FGGY: variants seen among roughly 807,000 people sequenced by gnomAD.
FGGY encodes the protein FGGY carbohydrate kinase domain-containing protein.
A neutral mutation model predicts 71.3 loss-of-function variants in FGGY; 72 were observed. That is an observed-to-expected ratio of 1.01 (90% CI 0.84 to 1.23). FGGY has a LOEUF of 1.23. Ranked by LOEUF, FGGY falls within the 50% of genes most tolerant of loss-of-function variation. FGGY has a pLI of 0.00. For missense variants in FGGY, 668 were observed against 682.3 expected, an observed-to-expected ratio of 0.98 and a Z score of 0.23; for synonymous variants, 251 against 250.3, an observed-to-expected ratio of 1.00 and a Z score of -0.02.
intron 1 of FGGY, among the ~76,000 whole-genome samples, chr1:59,306,535 G>A (rs921342067): frequency 1.3e-4 from 20 of 152,182 alleles, no homozygotes; most frequent in Non-Finnish European, 2.2e-4. Flanking sequence ...AAGCCTGCCT[G>A]GAGAGGATCT....
At position 59,666,394 on chromosome 1, in the gene FGGY, T is replaced by C. The variant is rs909349619; in HGVS notation, c.1297-889T>C. Among the ~76,000 whole-genome samples the C allele has an allele frequency of 2.6e-5, 4 of 152,238 alleles. No individual in the cohort carries two copies. In the East Asian group the frequency reaches 5.8e-4, roughly 22 times the overall value. On this transcript the variant is annotated intron_variant, in intron 12 of 15. Transcript: ENST00000303721. ...ACATCACAGTTCATCTTTTTGTTTT[T>C]AGTCCTTATCCCAAATAAATTTTGA...
intron 6 of FGGY, among the ~76,000 whole-genome samples, chr1:59,459,200 G>A (rs973078924): frequency 1.3e-5 from 2 of 152,126 alleles, no homozygotes; most frequent in African/African-American, 4.8e-5. Flanking sequence ...GTCTTATGGA[G>A]GAATATTTTT....
intron 5 of FGGY, among the ~76,000 whole-genome samples, chr1:59,422,263 G>C (rs139138406): frequency 6.6e-6 from 1 of 152,174 alleles, no homozygotes; most frequent in Non-Finnish European, 1.5e-5. Context: ...CAATAGTTTG[G>C]TGATTTACCA....
chr1:59,614,097 G>A (rs2096722160), intron 9 of FGGY, among the ~76,000 whole-genome samples: 1 of 152,184 alleles, frequency 6.6e-6, no homozygotes, highest in Non-Finnish European at 1.5e-5. Flanking sequence ...CACTCCTTCT[G>A]AAACTATTCC....
At position 59,389,095 on chromosome 1, in the gene FGGY, G is replaced by A. The variant is rs557291999; in HGVS notation, c.554+10258G>A. On this transcript the variant is annotated intron_variant, in intron 5 of 15. Coordinates refer to ENST00000303721, the MANE Select transcript of FGGY (RefSeq NM_018291.5). ...ACTGAGTAGCTGGGACTACAGGTGT[G>A]TGCCACCACACCTGACTAATTTTTG... Among the ~76,000 whole-genome samples, 28 of 152,126 alleles carry A rather than the reference G, an allele frequency of 1.8e-4. 1 individual carries two copies. In the South Asian group the frequency reaches 4.6e-3, roughly 25 times the overall value.
At chr1:59,659,665 A>G (rs190990752) in intron 11 of FGGY, among the ~76,000 whole-genome samples, 1 of 152,224 alleles carries the variant, frequency 6.6e-6, no homozygotes. Context: ...AGATTGACAT[A>G]CTCCATATAA....
intron 2 of FGGY, among the ~76,000 whole-genome samples, chr1:59,336,031 G>A (rs116782181): frequency 6.6e-6 from 1 of 151,886 alleles, no homozygotes; most frequent in African/African-American, 2.4e-5. Flanking sequence ...TCTTTTGTGG[G>A]TCTTGCTTGC....
chr1:59,589,263 A>G (rs992974282), intron 8 of FGGY, among the ~76,000 whole-genome samples: 1 of 152,230 alleles, frequency 6.6e-6, no homozygotes, highest in African/African-American at 2.4e-5. Context: ...TGCACCCAAT[A>G]CAGGAGCACG....
rs143024252 is a variant in FGGY at position 59,444,092 on chromosome 1, G to A, written c.555-12869G>A. Among the ~76,000 whole-genome samples, 5 of 152,232 alleles carry A rather than the reference G, an allele frequency of 3.3e-5. No individual in the cohort carries two copies. In the East Asian group the frequency reaches 9.7e-4, roughly 29 times the overall value. On this transcript the variant is annotated intron_variant, in intron 5 of 15. Coordinates refer to ENST00000303721, the MANE Select transcript of FGGY (RefSeq NM_018291.5). ...GGGGAAAGGCAGGAGCAAACCCAAG[G>A]GCTGGGGGTCTGAAGATGTTACCAT...
At chr1:59,496,998 A>G (rs1241492283) in intron 6 of FGGY, among the ~76,000 whole-genome samples, 1 of 152,210 alleles carries the variant, frequency 6.6e-6, no homozygotes, top group African/African-American at 2.4e-5. Context: ...GTGTTATGGC[A>G]ATAATGAGGG....
intron 4 of FGGY, among the ~76,000 whole-genome samples, chr1:59,370,144 G>A (rs2153273396): frequency 6.6e-6 from 1 of 151,860 alleles, no homozygotes; most frequent in African/African-American, 2.4e-5. Flanking sequence ...CAAACCAAAG[G>A]CAAAGAAGTT....
chr1:59,583,093 C>T (rs1267072443), intron 8 of FGGY, among the ~76,000 whole-genome samples: 2 of 143,290 alleles, frequency 1.4e-5, no homozygotes, highest in Non-Finnish European at 3.0e-5. Flanking sequence ...TCACCCCATG[C>T]TGATGATCTC....
At chr1:59,302,534 A>G (rs1205374111) in intron 1 of FGGY, among the ~76,000 whole-genome samples, 1 of 152,138 alleles carries the variant, frequency 6.6e-6, no homozygotes, top group African/African-American at 2.4e-5. Flanking sequence ...CAAGCTGGAG[A>G]ACATTATCCT....
intron 5 of FGGY, among the ~76,000 whole-genome samples, chr1:59,387,799 C>T (rs574716969): frequency 1.3e-5 from 2 of 152,240 alleles, no homozygotes; most frequent in Admixed American, 1.3e-4. Flanking sequence ...TTGCAGACCT[C>T]ACAGTATTCT....
At chr1:59,724,532 C>T (rs2097924238) in intron 14 of FGGY, among the ~76,000 whole-genome samples, 1 of 151,858 alleles carries the variant, frequency 6.6e-6, no homozygotes, top group Admixed American at 6.6e-5. Flanking sequence ...ACTTTCCCTC[C>T]TTTTTTCCCA....
chr1:59,678,490 C>A (rs1224996123), intron 14 of FGGY, among the ~76,000 whole-genome samples: 26 of 152,180 alleles, frequency 1.7e-4, no homozygotes, highest in Admixed American at 1.6e-3. Context: ...CTTACACTTT[C>A]TAAGCACAGA....
intron 11 of FGGY, among the ~76,000 whole-genome samples, chr1:59,646,536 A>G (rs1354506311): frequency 6.7e-6 from 1 of 149,974 alleles, no homozygotes; most frequent in East Asian, 1.9e-4. Context: ...ACATATTTAT[A>G]TTTTATTTAA....
chr1:59,653,778 C>T (rs939760002), intron 11 of FGGY, among the ~76,000 whole-genome samples: 1 of 152,204 alleles, frequency 6.6e-6, no homozygotes, highest in African/African-American at 2.4e-5. Flanking sequence ...GGCTCCTCCT[C>T]CTGCCACCAT....
chr1:59,678,631 C>T (rs1288136015), intron 14 of FGGY, among the ~76,000 whole-genome samples: 4 of 152,130 alleles, frequency 2.6e-5, no homozygotes, highest in African/African-American at 9.7e-5. Context: ...TTTCTGTTTC[C>T]TTCAGGCCCC....
Sources: allele counts gnomAD v4.1 joint callset (sites outside exome capture counted in the v4.1 genomes callset), GRCh38; gene constraint gnomAD v4.1.1; transcripts MANE v1.5; gene names NCBI Gene and HGNC (gene_info 2026-07-23, HGNC 2026-07-21).